The following MALRD1 variants were observed in gnomAD, a reference collection of about 807,000 sequenced individuals.
MALRD1 encodes MAM and LDL receptor class A domain containing 1, also known as MAM and LDL-receptor class A domain-containing protein 1.
In MALRD1, 247 loss-of-function variants were observed where a neutral mutation model predicts 242.1. The observed-to-expected ratio is 1.02, with a 90% CI of 0.92 to 1.13. MALRD1 has a LOEUF of 1.13. MALRD1 is among the 50% of genes most tolerant of loss of function. The pLI, the probability that MALRD1 is intolerant of heterozygous loss-of-function variation, is 0.00. For synonymous variants in MALRD1, 995 were observed against 866.6 expected, an observed-to-expected ratio of 1.15 and a Z score of -2.60; for missense variants, 2,989 against 2,533.1, an observed-to-expected ratio of 1.18 and a Z score of -3.86.
intron 36 of MALRD1, among the ~76,000 whole-genome samples, chr10:19,667,384 G>C (rs546513963): frequency 1.3e-5 from 2 of 152,068 alleles, no homozygotes; most frequent in Admixed American, 1.3e-4. Context: ...TAGTCCTTTG[G>C]GGCTGCTGTA....
intron 19 of MALRD1, among the ~76,000 whole-genome samples, chr10:19,258,645 G>A (rs556823519): frequency 1.3e-5 from 2 of 152,152 alleles, no homozygotes. Context: ...AGTCTTTTCA[G>A]TTGTAGCTAT....
At chr10:19,676,748 G>A (rs1842153055) in intron 36 of MALRD1, among the ~76,000 whole-genome samples, 1 of 152,126 alleles carries the variant, frequency 6.6e-6, no homozygotes, top group Non-Finnish European at 1.5e-5. Flanking sequence ...TGCTATAGTG[G>A]TTTGCTGCAC....
At chr10:19,287,946 G>T (rs367871956) in intron 21 of MALRD1, among the ~76,000 whole-genome samples, 33 of 152,016 alleles carry the variant, frequency 2.2e-4, no homozygotes, top group East Asian at 9.6e-4. Flanking sequence ...TAAACAAGCA[G>T]GGAGAAAGAA....
chr10:19,731,492 T>TTGTGTGTGTG lies in MALRD1; in HGVS notation c.6390+730_6390+739dup, dbSNP rs199973822. 8.1e-3 allele frequency among the ~76,000 whole-genome samples: 1,189 copies of TTGTGTGTGTG among 146,976 alleles called. 15 individuals are homozygous for TTGTGTGTGTG. Among genetic ancestry groups the TTGTGTGTGTG allele is most frequent in the African/African-American group, 0.026 (1,059 of 40,286 alleles). On this transcript the variant is annotated intron_variant, in intron 39 of 39. Transcript: ENST00000454679. Reference sequence around the variant, plus strand: ...TATCTATCACCTCACATAGTTTACTTTGTGTGTGTGTGTGTGTGTGTGTGT... The same window carrying TTGTGTGTGTG: ...TATCTATCACCTCACATAGTTTACTTTGTGTGTGTGTGTGTGTGTGTGTGTGTGTGTGTGT...
intron 36 of MALRD1, among the ~76,000 whole-genome samples, chr10:19,621,988 A>T (rs1244178974): frequency 6.6e-6 from 1 of 151,888 alleles, no homozygotes; most frequent in East Asian, 1.9e-4. Flanking sequence ...AAGAGGCACT[A>T]TGGAAAATGT....
At chr10:19,124,065 GAATCACCTGAGCATGGTGGC>G (rs1311590438) in intron 6 of MALRD1, among the ~76,000 whole-genome samples, 1 of 114,896 alleles carries the variant, frequency 8.7e-6, no homozygotes, top group Non-Finnish European at 1.8e-5. Flanking sequence ...AAAAAAAAAA[GAATCACCTGAGCATGGTGGC>G]ATGCACCTGT....
chr10:19,336,564 A>C (rs1843622634), intron 24 of MALRD1, among the ~76,000 whole-genome samples: 1 of 152,216 alleles, frequency 6.6e-6, no homozygotes, highest in South Asian at 2.1e-4. Context: ...CTTCTGAATT[A>C]GGCTTGAGAT....
At chr10:19,368,354 C>T (rs540405799) in intron 26 of MALRD1, among the ~76,000 whole-genome samples, 1 of 152,170 alleles carries the variant, frequency 6.6e-6, no homozygotes, top group East Asian at 1.9e-4. Flanking sequence ...GTTTCCCTAG[C>T]ACCATTTATT....
At chr10:19,283,679 G>C (rs952719504) in intron 21 of MALRD1, among the ~76,000 whole-genome samples, 1 of 152,058 alleles carries the variant, frequency 6.6e-6, no homozygotes, top group Non-Finnish European at 1.5e-5. Context: ...TAGGTGAAAA[G>C]ATTTTTCCAC....
rs770636820 is a variant in MALRD1, at chr10:19,498,521, A to G, written c.5195A>G (p.Glu1732Gly). 1.3e-6 allele frequency: 2 copies of G among 1,550,366 alleles called. No homozygotes were observed. Among genetic ancestry groups the G allele is most frequent in the Non-Finnish European group, 1.7e-6 (2 of 1,146,828 alleles). ...AGCACAACAGGAAGCTGCAATTTTG[A>G]AACAAGTTCAGGAAACTGGACCACA... ...YTSTTGSCNFETSSGNWTTAC... is the reference protein window; with the variant it reads ...YTSTTGSCNFGTSSGNWTTAC... The change falls in exon 31 of 40, where the codon GAA becomes GGA. Residue 1732 changes from glutamate to glycine, a missense_variant. Transcript: ENST00000454679.
chr10:19,364,784 C>G (rs544245494), intron 26 of MALRD1, among the ~76,000 whole-genome samples: 1 of 152,204 alleles, frequency 6.6e-6, no homozygotes, highest in Admixed American at 6.5e-5. Flanking sequence ...ATTGGCTGTA[C>G]TCTACTTATG....
Position 19,357,317 on chromosome 10 carries a change from A to G in MALRD1, c.4441+5020A>G, listed in dbSNP as rs185924762. ...TAGGTTCTAAGATTCTTAAGAATTA[A>G]AAGAGGTAACTGCCCATGTAATTTA... On this transcript the variant is annotated intron_variant, in intron 26 of 39. Transcript: ENST00000454679. 5.3e-5 allele frequency among the ~76,000 whole-genome samples: 8 copies of G among 152,210 alleles called. No individual in the cohort carries two copies. In the East Asian group the frequency reaches 1.4e-3, roughly 26 times the overall value.
chr10:19,205,610 T>A (rs527482404), intron 17 of MALRD1, among the ~76,000 whole-genome samples: 1 of 152,080 alleles, frequency 6.6e-6, no homozygotes. Context: ...TGTGACCTTA[T>A]ATAATAGTGG....
In MALRD1 at chr10:19,615,081, G is replaced by A. The variant is rs548198851; in HGVS notation, c.6071-776G>A. On this transcript the variant is annotated intron_variant, in intron 35 of 39. Coordinates refer to ENST00000454679, the MANE Select transcript of MALRD1 (RefSeq NM_001142308.3). The stretch of plus-strand genomic sequence containing the variant: ...TCGTACAGTTTCAAATAGTTCCAAG[G>A]AGGATATTGAATGTTCTCAACACAA... Among the ~76,000 whole-genome samples the A allele has an allele frequency of 6.6e-5, 10 of 152,128 alleles. No individual in the cohort carries two copies. The South Asian group carries it at 2.1e-3, about 32-fold the overall frequency.
rs762627761 is a variant in MALRD1, at chr10:19,165,542, G to A, written c.1657-95G>A. On this transcript the variant is annotated intron_variant, in intron 12 of 39. Transcript: ENST00000454679. ...GCACTTTGGGAGGCCGAGGCAGGCA[G>A]ATCACCTGAGGTCAGGAATATTTCA... 1,020 of 972,534 alleles carry A rather than the reference G, an allele frequency of 1.0e-3. 1 individual carries two copies. Among genetic ancestry groups the A allele is most frequent in the Non-Finnish European group, 1.1e-3 (836 of 753,178 alleles). 60.2% of individuals were successfully genotyped at this position (972,534 alleles called of 1,614,324 possible).
intron 34 of MALRD1, among the ~76,000 whole-genome samples, chr10:19,606,341 G>T (rs1041879054): frequency 6.6e-6 from 1 of 152,050 alleles, no homozygotes; most frequent in Non-Finnish European, 1.5e-5. Context: ...TTAGTAGCAG[G>T]TTTGGAGTAA....
Position 19,659,680 on chromosome 10 carries a change from T to A in MALRD1, c.6138-32602T>A, listed in dbSNP as rs11010968. On this transcript the variant is annotated intron_variant, in intron 36 of 39. Transcript: ENST00000454679. ...AACTTTTCAACTTTTTCTAACATAA[T>A]TGTAAGATTACATATAGATTGCATA... Among the ~76,000 whole-genome samples the A allele has an allele frequency of 9.2e-5, 14 of 152,284 alleles. 1 individual carries two copies. In the East Asian group the frequency reaches 2.7e-3, roughly 29 times the overall value.
chr10:19,359,113 C>A lies in MALRD1; in HGVS notation c.4441+6816C>A, dbSNP rs568078443. ...TTTGAACGTAGAAAACCTTACAAAACAGAACTGAGATTCAGAGAAGTTGAT... is the reference window on the plus strand; with the variant it reads ...TTTGAACGTAGAAAACCTTACAAAAAAGAACTGAGATTCAGAGAAGTTGAT... On this transcript the variant is annotated intron_variant, in intron 26 of 39. Coordinates refer to ENST00000454679, the MANE Select transcript of MALRD1 (RefSeq NM_001142308.3). 3.9e-5 allele frequency among the ~76,000 whole-genome samples: 6 copies of A among 152,216 alleles called. No individual in the cohort carries two copies. The East Asian group carries it at 1.2e-3, about 29-fold the overall frequency.
intron 18 of MALRD1, among the ~76,000 whole-genome samples, chr10:19,230,286 A>G (rs1183824560): frequency 6.6e-6 from 1 of 152,240 alleles, no homozygotes. Flanking sequence ...TTGCATTGTT[A>G]TAAAGAAATA....
Sources: gnomAD v4.1 joint callset for allele counts (sites outside exome capture counted in the v4.1 genomes callset) on GRCh38, gnomAD v4.1.1 for gene constraint, MANE v1.5 for transcripts, NCBI Gene and HGNC (gene_info 2026-07-23, HGNC 2026-07-21) for gene names.